The following RIMS2 variants were observed in gnomAD, a reference collection of about 807,000 sequenced individuals.
RIMS2 encodes the protein regulating synaptic membrane exocytosis protein 2.
A neutral mutation model predicts 174.4 loss-of-function variants in RIMS2; 59 were observed. That is an observed-to-expected ratio of 0.34 (90% CI 0.27 to 0.42). The LOEUF (loss-of-function observed/expected upper bound fraction) is 0.42, where lower values mean the gene tolerates loss of function less well. RIMS2 is among the 10% of genes least tolerant of loss of function. RIMS2 has a pLI of 1.00. For synonymous variants in RIMS2, 606 were observed against 572.5 expected, an observed-to-expected ratio of 1.06 and a Z score of -0.84; for missense variants, 1,620 against 1,666.3, an observed-to-expected ratio of 0.97 and a Z score of 0.48.
chr8:104,128,938 G>C (rs1303619245), intron 19 of RIMS2, among the ~76,000 whole-genome samples: 1 of 152,098 alleles, frequency 6.6e-6, no homozygotes, highest in East Asian at 1.9e-4. Context: ...GCTAAGGTGT[G>C]ACCTAATTTG....
rs578007956 is a variant in RIMS2, at chr8:103,998,358, G to A, written c.3044+8937G>A. The A allele has an allele frequency of 5.9e-5, 34 of 573,318 alleles. No homozygotes were observed. The East Asian group carries it at 9.2e-4, about 15-fold the overall frequency. 35.5% of individuals were successfully genotyped at this position (573,318 alleles called of 1,614,324 possible). A position where few individuals can be genotyped will look rare whatever the true frequency, so the allele number is the denominator to read the frequency against. On this transcript the variant is annotated intron_variant, in intron 17 of 23. Coordinates refer to ENST00000504942, the Ensembl canonical transcript of RIMS2. The stretch of plus-strand genomic sequence containing the variant: ...TTTTTATGTATATACATATATGGTT[G>A]TTAATGAAATATAGAAATATCACCC...
At chr8:104,057,854 T>C (rs1566081693) in intron 19 of RIMS2, among the ~76,000 whole-genome samples, 1 of 151,394 alleles carries the variant, frequency 6.6e-6, no homozygotes, top group Non-Finnish European at 1.5e-5. Context: ...TTACTGAGAA[T>C]GATGATTTCC....
At chr8:103,936,825 G>GCCACCATGCC in intron 13 of RIMS2, 103 bp downstream of exon 15, 3 of 884,702 alleles carry the variant, frequency 3.4e-6, no homozygotes, top group Non-Finnish European at 3.4e-6. Flanking sequence ...GCCAGGCATG[G>GCCACCATGCC]TGGCTCATGC....
In RIMS2 at chr8:103,678,549, A is replaced by T. The variant is rs73286408; in HGVS notation, c.177-18537A>T. The stretch of plus-strand genomic sequence containing the variant: ...GATATTGAAGTGCATGAGAATAAGT[A>T]GGAGTATGGAAGTGAAGAGTAGAAA... On this transcript the variant is annotated intron_variant, in intron 1 of 23. Coordinates refer to ENST00000504942, the Ensembl canonical transcript of RIMS2. 5.0e-3 allele frequency among the ~76,000 whole-genome samples: 765 copies of T among 152,258 alleles called. 8 individuals are homozygous for T. Among genetic ancestry groups the T allele is most frequent in the African/African-American group, 0.017 (726 of 41,584 alleles).
At chr8:104,248,374 T>C (rs1231132411) in intron 20 of RIMS2, among the ~76,000 whole-genome samples, 1 of 152,120 alleles carries the variant, frequency 6.6e-6, no homozygotes, top group Non-Finnish European at 1.5e-5. Context: ...GGATTAAATA[T>C]GATAAAGCCT....
At chr8:104,183,287 C>T (rs1243159552) in intron 19 of RIMS2, among the ~76,000 whole-genome samples, 1 of 151,722 alleles carries the variant, frequency 6.6e-6, no homozygotes, top group African/African-American at 2.4e-5. Flanking sequence ...TGCAATTCAA[C>T]TATAGCAATT....
intron 17 of RIMS2, chr8:103,998,154 AT>A (rs773099169): frequency 3.3e-6 from 5 of 1,511,046 alleles, no homozygotes; most frequent in Non-Finnish European, 4.5e-6. Context: ...CTTGAGTCTT[AT>A]TTATATTCTT....
chr8:103,583,619 C>G (rs1290927399), intron 1 of RIMS2, among the ~76,000 whole-genome samples: 1 of 152,248 alleles, frequency 6.6e-6, no homozygotes, highest in Non-Finnish European at 1.5e-5. Flanking sequence ...AATCAAGACT[C>G]TGAAGAATGT....
intron 19 of RIMS2, among the ~76,000 whole-genome samples, chr8:104,214,740 C>T (rs6982683): frequency 0.14 from 20,648 of 152,100 alleles, 2,068 homozygotes; most frequent in East Asian, 0.51. Context: ...TCGCCAGGCC[C>T]GAGAGACATC....
At chr8:104,118,362 G>GTTT (rs1303922869) in intron 19 of RIMS2, among the ~76,000 whole-genome samples, 1 of 108,560 alleles carries the variant, frequency 9.2e-6, no homozygotes, top group African/African-American at 4.1e-5. Context: ...TTGTTTTTTT[G>GTTT]TTTTTTTGTT....
At chr8:103,541,277 A>ACTG (rs971029711) in intron 1 of RIMS2, among the ~76,000 whole-genome samples, 2 of 152,230 alleles carry the variant, frequency 1.3e-5, no homozygotes, top group Non-Finnish European at 2.9e-5. Context: ...AGTTACAGTA[A>ACTG]GGCCAACAGC....
At chr8:103,564,419 C>G (rs1366588491) in intron 1 of RIMS2, among the ~76,000 whole-genome samples, 1 of 152,090 alleles carries the variant, frequency 6.6e-6, no homozygotes, top group Non-Finnish European at 1.5e-5. Context: ...GGAGTATTGA[C>G]TCACATAATC....
intron 19 of RIMS2, among the ~76,000 whole-genome samples, chr8:104,120,634 A>G (rs974136519): frequency 7.2e-5 from 11 of 152,118 alleles, no homozygotes; most frequent in African/African-American, 2.4e-4. Context: ...ACAGTGTATG[A>G]TCAAATTAAG....
chr8:103,929,068 A>G (rs1214625873), intron 11 of RIMS2, among the ~76,000 whole-genome samples: 3 of 151,786 alleles, frequency 2.0e-5, no homozygotes, highest in African/African-American at 4.8e-5. Context: ...AAGGCAGTCT[A>G]TTAAAAGGTG....
At chr8:103,792,857 A>G (rs991877116) in intron 3 of RIMS2, among the ~76,000 whole-genome samples, 2 of 152,192 alleles carry the variant, frequency 1.3e-5, no homozygotes, top group East Asian at 1.9e-4. Context: ...TCCTGGACAC[A>G]TACACCTTCC....
intron 1 of RIMS2, among the ~76,000 whole-genome samples, chr8:103,676,761 T>A (rs886986005): frequency 6.6e-6 from 1 of 152,116 alleles, no homozygotes; most frequent in Non-Finnish European, 1.5e-5. Context: ...GGAGGGTGGA[T>A]CACTTGAGGT....
At position 103,573,230 on chromosome 8, in the gene RIMS2, A is replaced by AT. The variant is rs147329261; in HGVS notation, c.176+72180dup. On this transcript the variant is annotated intron_variant, in intron 1 of 23. Transcript: ENST00000504942. ...GCCACCACGCCCAGCTAATTTTTGT[A>AT]TTTTTTTTTTTTCAGTAGAGATGAG... is the stretch of plus-strand genomic sequence containing the variant. Among the ~76,000 whole-genome samples the AT allele has an allele frequency of 5.9e-3, 820 of 139,672 alleles. 6 individuals are homozygous for AT. The highest frequency in any genetic ancestry group is 0.018 in the African/African-American group (678 of 38,272). The allele number at this position is 139,672 out of a possible 152,430, so 91.6% of individuals were successfully genotyped here.
intron 1 of RIMS2, among the ~76,000 whole-genome samples, chr8:103,533,604 G>C (rs958978585): frequency 2.8e-5 from 4 of 145,212 alleles, no homozygotes; most frequent in Non-Finnish European, 6.0e-5. Flanking sequence ...AGAGGTTGCA[G>C]TGAGCTGAGA....
At chr8:104,235,110 T>C (rs2099251586) in intron 19 of RIMS2, among the ~76,000 whole-genome samples, 1 of 152,142 alleles carries the variant, frequency 6.6e-6, no homozygotes, top group Non-Finnish European at 1.5e-5. Flanking sequence ...TATCCCCATT[T>C]TTCATGAGAG....
Sources: allele counts gnomAD v4.1 joint callset (sites outside exome capture counted in the v4.1 genomes callset), GRCh38; gene constraint gnomAD v4.1.1; transcripts MANE v1.5; gene names NCBI Gene and HGNC (gene_info 2026-07-23, HGNC 2026-07-21).